The following CLEC16A variants were observed in gnomAD, a reference collection of about 807,000 sequenced individuals.
The protein encoded by CLEC16A is protein CLEC16A.
CLEC16A carries 51 observed loss-of-function variants against 109.5 expected under a neutral mutation model. That is an observed-to-expected ratio of 0.47 (90% CI 0.37 to 0.59). The LOEUF is 0.59. Among genes scored for constraint, CLEC16A ranks in the 20% least tolerant of loss-of-function variants. CLEC16A has a pLI of 0.00. For synonymous variants in CLEC16A, 673 were observed against 564.2 expected (o/e 1.19, Z -2.73); for missense variants, 1,339 against 1,394.0 (o/e 0.96, Z 0.63).
intron 20 of CLEC16A, among the ~76,000 whole-genome samples, chr16:11,122,752 T>C (rs1455009245): frequency 6.6e-6 from 1 of 152,216 alleles, no homozygotes; most frequent in East Asian, 1.9e-4. Flanking sequence ...CAAACCTTCA[T>C]GGGAGTAGAT....
At chr16:11,092,053 A>C (rs1424497616) in intron 19 of CLEC16A, among the ~76,000 whole-genome samples, 1 of 152,080 alleles carries the variant, frequency 6.6e-6, no homozygotes, top group South Asian at 2.1e-4. Flanking sequence ...GCTCCTTAAA[A>C]ACACACTTAG....
chr16:11,170,755 G>A (rs42369), intron 23 of CLEC16A, among the ~76,000 whole-genome samples: 103,331 of 152,168 alleles, frequency 0.68, 35,405 homozygotes, highest in Admixed American at 0.79. Flanking sequence ...CACAGCATTC[G>A]GGATACAATG....
intron 23 of CLEC16A, among the ~76,000 whole-genome samples, chr16:11,173,994 C>T (rs771803625): frequency 1.3e-5 from 2 of 152,192 alleles, no homozygotes; most frequent in African/African-American, 4.8e-5. Context: ...GGCCAGCGCC[C>T]CATGCACCGG....
intron 11 of CLEC16A, among the ~76,000 whole-genome samples, chr16:11,007,586 A>G (rs758286700): frequency 3.3e-5 from 5 of 152,206 alleles, no homozygotes; most frequent in Non-Finnish European, 7.3e-5. Context: ...TGAGAACATC[A>G]ACACTGTAGC....
intron 13 of CLEC16A, among the ~76,000 whole-genome samples, chr16:11,036,317 G>T (rs2047016165): frequency 6.6e-6 from 1 of 151,044 alleles, no homozygotes; most frequent in Admixed American, 6.6e-5. Flanking sequence ...CTCCCACCCA[G>T]ACCTCTCTGG....
chr16:11,044,992 C>G (rs917402615), intron 16 of CLEC16A, among the ~76,000 whole-genome samples: 4 of 150,908 alleles, frequency 2.7e-5, no homozygotes, highest in African/African-American at 9.7e-5. Context: ...ATGTTTTAGT[C>G]CATTTGGGAT....
intron 11 of CLEC16A, among the ~76,000 whole-genome samples, chr16:11,009,812 A>G (rs2045288493): frequency 6.6e-6 from 1 of 152,130 alleles, no homozygotes; most frequent in African/African-American, 2.4e-5. Flanking sequence ...AAGTATTTCT[A>G]CCACTGCAGA....
At chr16:10,998,762 C>T (rs566889888) in intron 10 of CLEC16A, among the ~76,000 whole-genome samples, 9 of 152,258 alleles carry the variant, frequency 5.9e-5, no homozygotes, top group African/African-American at 1.7e-4. Flanking sequence ...GCAGCCTGTC[C>T]GCCCCTGCTC....
chr16:11,137,555 A>T (rs1325835881), intron 22 of CLEC16A, among the ~76,000 whole-genome samples: 1 of 149,290 alleles, frequency 6.7e-6, no homozygotes, highest in African/African-American at 2.5e-5. Context: ...CAGGAGTTCC[A>T]GACTAGCTGG....
intron 22 of CLEC16A, chr16:11,156,657 G>C (rs993086409): frequency 1.5e-6 from 2 of 1,304,206 alleles, no homozygotes; most frequent in African/African-American, 3.0e-5. Flanking sequence ...CTGTTGTGGA[G>C]GTCTTTGCTT....
intron 3 of CLEC16A, among the ~76,000 whole-genome samples, chr16:10,964,606 C>T (rs944562610): frequency 1.2e-4 from 19 of 152,218 alleles, no homozygotes; most frequent in African/African-American, 4.1e-4. Flanking sequence ...TCCTTTAAGG[C>T]AACATCACCC....
chr16:11,113,841 T>C (rs1383623330), intron 19 of CLEC16A, among the ~76,000 whole-genome samples: 1 of 152,238 alleles, frequency 6.6e-6, no homozygotes, highest in South Asian at 2.1e-4. Context: ...CCCTTCTTGC[T>C]GGAAAATTGA....
chr16:11,013,494 C>T (rs574726573), intron 11 of CLEC16A, among the ~76,000 whole-genome samples: 2 of 151,994 alleles, frequency 1.3e-5, no homozygotes. Flanking sequence ...GCCAGGTGTG[C>T]TGGCTCACAC....
intron 23 of CLEC16A, among the ~76,000 whole-genome samples, chr16:11,172,466 G>A (rs1007428429): frequency 1.3e-5 from 2 of 152,220 alleles, no homozygotes; most frequent in Non-Finnish European, 2.9e-5. Flanking sequence ...TACATTCCAA[G>A]TGAACTACCT....
intron 17 of CLEC16A, among the ~76,000 whole-genome samples, chr16:11,049,013 CT>C (rs5815611): frequency 0.49 from 72,841 of 148,136 alleles, 18,705 homozygotes; most frequent in African/African-American, 0.67. Context: ...TGATTTTTTT[CT>C]TTTTTTTTTT....
chr16:11,149,265 C>A (rs751947131), intron 22 of CLEC16A, among the ~76,000 whole-genome samples: 1 of 152,062 alleles, frequency 6.6e-6, no homozygotes, highest in Admixed American at 6.6e-5. Flanking sequence ...TGGATGGAAC[C>A]GGTCAGCTGT....
chr16:11,167,626 C>T (rs2068326010), intron 23 of CLEC16A, among the ~76,000 whole-genome samples: 1 of 152,154 alleles, frequency 6.6e-6, no homozygotes, highest in Non-Finnish European at 1.5e-5. Flanking sequence ...TCAGAGCACC[C>T]CAACCCACCT....
At chr16:10,983,430 C>T (rs1408242673) in intron 10 of CLEC16A, among the ~76,000 whole-genome samples, 2 of 152,242 alleles carry the variant, frequency 1.3e-5, no homozygotes, top group African/African-American at 4.8e-5. Context: ...TCCTGTTCTA[C>T]CCCAGGCTGC....
At chr16:11,049,063 A>C (rs1190964763) in intron 17 of CLEC16A, among the ~76,000 whole-genome samples, 5 of 151,760 alleles carry the variant, frequency 3.3e-5, no homozygotes, top group Non-Finnish European at 7.4e-5. Context: ...CTGGAGTGCA[A>C]GTAGTGCGTT....
Sources: gnomAD v4.1 joint callset for allele counts (sites outside exome capture counted in the v4.1 genomes callset) on GRCh38, gnomAD v4.1.1 for gene constraint, MANE v1.5 for transcripts, NCBI Gene and HGNC (gene_info 2026-07-23, HGNC 2026-07-21) for gene names.